Variants in ATG2B observed in about 807,000 individuals in gnomAD.
The protein encoded by ATG2B is autophagy related 2B, also known as autophagy-related protein 2 homolog B.
In ATG2B, 121 loss-of-function variants were observed where a neutral mutation model predicts 241.3. The ratio of observed to expected loss-of-function variants is 0.50; its 90% CI spans 0.43 to 0.58. ATG2B has a LOEUF of 0.58. ATG2B is among the 20% of genes least tolerant of loss of function. ATG2B has a pLI of 0.00. For missense variants in ATG2B, 2,306 were observed against 2,491.6 expected (o/e 0.93, Z 1.59); for synonymous variants, 858 against 876.6 (o/e 0.98, Z 0.37).
rs535325255 is a variant in ATG2B at position 96,336,777 on chromosome 14, C to G, written c.925-2276G>C. Among the ~76,000 whole-genome samples, 177 of 152,218 alleles carry G rather than the reference C, an allele frequency of 1.2e-3. 2 individuals are homozygous for G. Among genetic ancestry groups the G allele is most frequent in the African/African-American group, 4.2e-3 (175 of 41,538 alleles). ...TAGTATAGTTTCCCAAGGATGTTAC[C>G]ACAGCAGAGGATTCCCTGTAGAGTT... On this transcript the variant is annotated intron_variant, in intron 6 of 41. Coordinates refer to ENST00000359933, the MANE Select transcript of ATG2B (RefSeq NM_018036.7).
chr14:96,286,772 TTATTATTA>T (rs1168861162), intron 41 of ATG2B, among the ~76,000 whole-genome samples: 4 of 151,978 alleles, frequency 2.6e-5, no homozygotes, highest in African/African-American at 9.7e-5. Flanking sequence ...CATTCCATTA[TTATTATTA>T]TATTATTATA....
chr14:96,316,680 C>T lies in ATG2B; in HGVS notation c.3214G>A (p.Asp1072Asn). The T allele has an allele frequency of 6.2e-7, 1 of 1,603,830 alleles. No homozygotes were observed. Among genetic ancestry groups the T allele is most frequent in the South Asian group, 1.1e-5 (1 of 88,672 alleles). ...TTGTTTTCCAACAGATCTCCATTAT[C>T]TTGCTAGTAAAAAGATCAGAAAAAC... ...LIAVFTDVKQ[D>N]NGDLLENKHG... is the part of the protein sequence containing the mutation. Residue 1072 changes from aspartate (D) to asparagine (N), a missense_variant, in exon 21 of 42, where the codon GAT (aspartate) becomes AAT (asparagine). This residue lies in a region of ATG2B where 1,927 missense variants were observed against 2,011.2 expected (regional missense o/e 0.96). Transcript: ENST00000359933.
intron 21 of ATG2B, among the ~76,000 whole-genome samples, chr14:96,316,111 T>A (rs926479143): frequency 6.5e-4 from 99 of 152,312 alleles, no homozygotes; most frequent in African/African-American, 2.4e-3. Context: ...ATTCCATTTA[T>A]AAGAAACTTC....
At chr14:96,302,700 T>C (rs1371260693) in intron 33 of ATG2B, among the ~76,000 whole-genome samples, 1 of 152,184 alleles carries the variant, frequency 6.6e-6, no homozygotes, top group African/African-American at 2.4e-5. Flanking sequence ...TATGCCAAAA[T>C]CAAATTCTGT....
At chr14:96,304,702 G>C (rs1004614623) in intron 31 of ATG2B, 99 bp from the exon 32 acceptor site, 1 of 938,664 alleles carries the variant, frequency 1.1e-6, no homozygotes, top group South Asian at 1.6e-5. Context: ...GAAAGACAAA[G>C]TAAGAGTACA....
intron 29 of ATG2B, among the ~76,000 whole-genome samples, chr14:96,307,677 G>A (rs1050589658): frequency 2.6e-5 from 4 of 152,122 alleles, no homozygotes. Context: ...CTAAATGTAG[G>A]GGGAGGGAAG....
Position 96,306,833 on chromosome 14 carries a change from G to A in ATG2B, c.4387C>T (p.Gln1463Ter), listed in dbSNP as rs573967990. 6.2e-7 allele frequency: 1 copy of A among 1,613,972 alleles called. No homozygotes were observed. The highest frequency in any genetic ancestry group is 1.1e-5 in the South Asian group (1 of 91,062). Reference sequence around the variant, plus strand: ...GAGGCATAGGTGGGGCCGGACTCCTGGGATACATTCCCACTCTCGTCAGGA... The same window carrying A: ...GAGGCATAGGTGGGGCCGGACTCCTAGGATACATTCCCACTCTCGTCAGGA... ...LFPDESGNVS[Q>*]ESGPTYASFS... Residue 1463 changes from glutamine (Q) to a stop codon, truncating the protein, a stop_gained, in exon 30 of 42, where the codon CAG becomes TAG. Coordinates refer to ENST00000359933, the MANE Select transcript of ATG2B (RefSeq NM_018036.7). LOFTEE classifies it high-confidence loss of function.
intron 41 of ATG2B, among the ~76,000 whole-genome samples, chr14:96,287,278 T>C (rs1435277597): frequency 3.0e-5 from 4 of 135,568 alleles, no homozygotes; most frequent in Non-Finnish European, 6.4e-5. Flanking sequence ...AAAAAACGTG[T>C]CCAGAAAAAC....
chr14:96,330,051 G>GA (rs34652288), intron 11 of ATG2B, among the ~76,000 whole-genome samples: 26,949 of 134,710 alleles, frequency 0.2, 2,638 homozygotes, highest in South Asian at 0.26. Flanking sequence ...TCAAAAATGG[G>GA]AAAAAAAAAA....
intron 4 of ATG2B, among the ~76,000 whole-genome samples, 179 bp from the exon 5 acceptor site, chr14:96,343,460 A>G (rs1211056494): frequency 3.3e-5 from 5 of 152,186 alleles, no homozygotes; most frequent in Non-Finnish European, 5.9e-5. Context: ...TTACAATAAG[A>G]AACGCACATA....
rs117091295 is a variant in ATG2B at position 96,288,750 on chromosome 14, T to C, written c.6006+906A>G. ...TCAAATGACCTCAAACTCCCTTATGTCATATTAAAAAGAATGTCAAAAAGA... is the reference window on the plus strand; with the variant it reads ...TCAAATGACCTCAAACTCCCTTATGCCATATTAAAAAGAATGTCAAAAAGA... On this transcript the variant is annotated intron_variant, in intron 41 of 41. Coordinates refer to ENST00000359933, the MANE Select transcript of ATG2B (RefSeq NM_018036.7). 3.9e-3 allele frequency among the ~76,000 whole-genome samples: 579 copies of C among 150,020 alleles called. 21 individuals are homozygous for C. In the South Asian group the frequency reaches 0.058, roughly 15 times the overall value.
intron 6 of ATG2B, among the ~76,000 whole-genome samples, chr14:96,338,122 G>A (rs1037190536): frequency 7.2e-5 from 11 of 151,972 alleles, no homozygotes; most frequent in African/African-American, 2.7e-4. Flanking sequence ...CTACTGATTC[G>A]TGTACGCTGA....
At chr14:96,358,758 T>A (rs1046807854) in intron 1 of ATG2B, among the ~76,000 whole-genome samples, 1 of 142,740 alleles carries the variant, frequency 7.0e-6, no homozygotes, top group East Asian at 2.1e-4. Context: ...TCCTATCAAG[T>A]ATTTTTTTTT....
intron 30 of ATG2B, among the ~76,000 whole-genome samples, chr14:96,306,246 G>A (rs1170937007): frequency 2.6e-5 from 4 of 152,140 alleles, no homozygotes; most frequent in African/African-American, 9.7e-5. Flanking sequence ...AAGGTTCTCA[G>A]AACTTTGTAA....
At chr14:96,309,677 C>T (rs1369275816) in intron 28 of ATG2B, 83 bp from the exon 29 acceptor site, 5 of 1,276,630 alleles carry the variant, frequency 3.9e-6, no homozygotes, top group African/African-American at 3.0e-5. Flanking sequence ...CCCAAAAATA[C>T]ATTACATTGT....
Position 96,290,087 on chromosome 14 carries a change from T to C in ATG2B, c.5857-282A>G. ...CATTTCCACATCAGTCTATGGAGCTTAATACTTACTAGAATGATCTTTAAT... is the reference window on the plus strand; with the variant it reads ...CATTTCCACATCAGTCTATGGAGCTCAATACTTACTAGAATGATCTTTAAT... On this transcript the variant is annotated intron_variant, in intron 40 of 41. Coordinates refer to ENST00000359933, the MANE Select transcript of ATG2B (RefSeq NM_018036.7). The surrounding 1 kb of genome is among the most constrained non-coding windows in gnomAD (Gnocchi z 4.4). 1 of 1,211,852 alleles carries C rather than the reference T, an allele frequency of 8.3e-7. No homozygotes were observed. The highest frequency in any genetic ancestry group is 1.0e-6 in the Non-Finnish European group (1 of 953,236). 75.1% of individuals were successfully genotyped at this position (1,211,852 alleles called of 1,614,324 possible). A position where few individuals can be genotyped will look rare whatever the true frequency, so the allele number is the denominator to read the frequency against.
At chr14:96,292,175 C>A in intron 36 of ATG2B, 77 bp from the exon 37 acceptor site, 1 of 878,504 alleles carries the variant, frequency 1.1e-6, no homozygotes, top group South Asian at 1.8e-5. Flanking sequence ...TTAATTTGTT[C>A]AATTGGAGAA....
rs978746460 is a variant in ATG2B at position 96,279,864 on chromosome 14, TC to T, written c.*5890del. On this transcript the variant is annotated 3_prime_UTR_variant, in exon 42 of 42. Coordinates refer to ENST00000359933, the MANE Select transcript of ATG2B (RefSeq NM_018036.7). The stretch of plus-strand genomic sequence containing the variant: ...GGGGGAGGGGAGTTTGTTACTGGCA[TC>T]CAGTGGCCAGAGGCCAGCGGGGGGT... 1 of 121,262 alleles carries T rather than the reference TC, an allele frequency of 8.2e-6. No individual in the cohort carries two copies. Among genetic ancestry groups the T allele is most frequent in the African/African-American group, 3.2e-5 (1 of 31,456 alleles). The allele number at this position is 121,262 out of a possible 1,614,324, so 7.5% of individuals were successfully genotyped here. A position where few individuals can be genotyped will look rare whatever the true frequency, so the allele number is the denominator to read the frequency against.
At position 96,358,848 on chromosome 14, in the gene ATG2B, C is replaced by T. The variant is rs145591624; in HGVS notation, c.162+3967G>A. ...ACCTGAACTACTCAGCAAATAAATG[C>T]CCCACCATAGAGTCCTTTAGAGCTT... On this transcript the variant is annotated intron_variant, in intron 1 of 41. Coordinates refer to ENST00000359933, the MANE Select transcript of ATG2B (RefSeq NM_018036.7). Among the ~76,000 whole-genome samples the T allele has an allele frequency of 1.0e-3, 156 of 152,124 alleles. 1 individual carries two copies. Among genetic ancestry groups the T allele is most frequent in the African/African-American group, 3.6e-3 (148 of 41,510 alleles).
Sources: allele counts gnomAD v4.1 joint callset (sites outside exome capture counted in the v4.1 genomes callset), GRCh38; gene constraint gnomAD v4.1.1; regional missense constraint gnomAD v4.1.1; non-coding constraint Gnocchi (gnomAD v3.1); transcripts MANE v1.5; gene names NCBI Gene and HGNC (gene_info 2026-07-23, HGNC 2026-07-21).